Variants in RPTOR observed in about 807,000 individuals in gnomAD.
RPTOR encodes the protein regulatory associated protein of MTOR complex 1, also known as regulatory-associated protein of mTOR.
Under a neutral mutation model 169.9 loss-of-function variants are expected in RPTOR, and 21 were observed. The ratio of observed to expected loss-of-function variants is 0.12; its 90% confidence interval spans 0.09 to 0.18. The LOEUF is 0.18. Ranked by LOEUF, RPTOR falls within the 10% of genes least tolerant of loss-of-function variation. The probability of loss-of-function intolerance (pLI) is 1.00; values close to 1 mark genes in which losing one functional copy is unlikely to be tolerated. For missense variants in RPTOR, 1,133 were observed against 1,855.9 expected, an observed-to-expected ratio of 0.61 and a Z score of 7.16; for synonymous variants, 732 against 753.2, an observed-to-expected ratio of 0.97 and a Z score of 0.46.
chr17:80,561,613 T>TG lies in RPTOR; in HGVS notation c.162+15823dup, dbSNP rs989238085. On this transcript the variant is annotated intron_variant, in intron 1 of 33. Coordinates refer to ENST00000306801, the MANE Select transcript of RPTOR (RefSeq NM_020761.3). ...TGCCTGGCTGATTTTTGTATTTTTT[T>TG]GTAGAAACAGGGTTTTACCATGTTG... Among the ~76,000 whole-genome samples the TG allele has an allele frequency of 3.3e-5, 5 of 151,648 alleles. 1 individual carries two copies. Among genetic ancestry groups the TG allele is most frequent in the Admixed American group, 3.3e-4 (5 of 15,208 alleles).
intron 1 of RPTOR, among the ~76,000 whole-genome samples, chr17:80,560,430 G>A (rs2084466554): frequency 6.6e-6 from 1 of 152,206 alleles, no homozygotes; most frequent in South Asian, 2.1e-4. Context: ...AGTAATTCCT[G>A]CGTTGAAGGT....
chr17:80,844,261 C>G lies in RPTOR; in HGVS notation c.1213-2212C>G, dbSNP rs970318178. Among the ~76,000 whole-genome samples, 3 of 152,198 alleles carry G rather than the reference C, an allele frequency of 2.0e-5. No individual in the cohort carries two copies. Among genetic ancestry groups the G allele is most frequent in the African/African-American group, 7.2e-5 (3 of 41,446 alleles). On this transcript the variant is annotated intron_variant, in intron 10 of 33. Coordinates refer to ENST00000306801, the MANE Select transcript of RPTOR (RefSeq NM_020761.3). The surrounding 1 kb of genome is among the most constrained non-coding windows in gnomAD (Gnocchi z 4.7). ...GGAGCTTCACGGGCTTCACCGCGCA[C>G]CTGCCAGGCAAAGGTGTGCTTTTCC...
intron 3 of RPTOR, among the ~76,000 whole-genome samples, chr17:80,672,792 AAAAC>A (rs950259114): frequency 4.0e-5 from 6 of 151,872 alleles, no homozygotes; most frequent in East Asian, 1.9e-4. Context: ...TCTGTCTCAA[AAAAC>A]AAACAAACAG....
Position 80,820,218 on chromosome 17 carries a change from G to A in RPTOR, c.891-1983G>A, listed in dbSNP as rs181639304. On this transcript the variant is annotated intron_variant, in intron 7 of 33. Transcript: ENST00000306801. This position sits in a 1 kb window ranked among gnomAD's most constrained non-coding sequence, Gnocchi z 4.1. ...GGCTTTGGTAAGGAGGGCAGGCAGC[G>A]CTCGGTGACAGTCCTGCAGCTTGAA... Among the ~76,000 whole-genome samples, 29 of 151,316 alleles carry A rather than the reference G, an allele frequency of 1.9e-4. No homozygotes were observed. The East Asian group carries it at 4.2e-3, about 22-fold the overall frequency.
intron 17 of RPTOR, 78 bp downstream of exon 17, chr17:80,885,226 C>A: frequency 6.7e-7 from 1 of 1,483,584 alleles, no homozygotes; most frequent in Non-Finnish European, 9.0e-7. Context: ...CCCGCATGGC[C>A]CTGACCACAG....
chr17:80,821,963 G>A (rs1276310675), intron 7 of RPTOR, among the ~76,000 whole-genome samples: 4 of 152,210 alleles, frequency 2.6e-5, no homozygotes, highest in African/African-American at 4.8e-5. Flanking sequence ...GGACACCAGA[G>A]GAAGAAGCTG....
rs1360073835 is a variant in RPTOR, at chr17:80,753,246, G to C, written c.655-764G>C. Among the ~76,000 whole-genome samples, 6 of 152,302 alleles carry C rather than the reference G, an allele frequency of 3.9e-5. No homozygotes were observed. In the East Asian group the frequency reaches 1.2e-3, roughly 29 times the overall value. ...AGCCCACTCAAACTCACATTTTGTG[G>C]TTTGCCTTTGTGTTGGTGATGGAGT... On this transcript the variant is annotated intron_variant, in intron 5 of 33. Transcript: ENST00000306801.
rs151265255 is a variant in RPTOR, at chr17:80,883,428, C to A, written c.1594C>A (p.Arg532=). 2,206 of 1,614,142 alleles carry A rather than the reference C, an allele frequency of 1.4e-3. 17 individuals are homozygous for A. The highest frequency in any genetic ancestry group is 7.6e-4 in the Non-Finnish European group (902 of 1,180,024). The change falls in exon 15 of 34, where the codon CGG becomes AGG. Residue 532 remains arginine (R), a synonymous_variant. Transcript: ENST00000306801. ...GGTTTTTGTTTTCCAGGCTGAACAC[C>A]GGACCATGACGGCTTTCATTCTCGC... ...LADPYMPAEH[R]TMTAFILAVI... is the part of the protein sequence containing the mutation.
intron 3 of RPTOR, among the ~76,000 whole-genome samples, chr17:80,654,020 C>T (rs1386832964): frequency 6.2e-5 from 5 of 80,378 alleles, no homozygotes; most frequent in Non-Finnish European, 9.6e-5. Flanking sequence ...AAAAGACAGA[C>T]AAGTGCCACC....
intron 6 of RPTOR, among the ~76,000 whole-genome samples, chr17:80,777,025 G>GGTC (rs1457982962): frequency 6.6e-6 from 1 of 152,152 alleles, no homozygotes; most frequent in Non-Finnish European, 1.5e-5. Flanking sequence ...GATTACCTGA[G>GGTC]GTCGGGAGTT....
At chr17:80,600,723 G>GT (rs1364690676) in intron 1 of RPTOR, among the ~76,000 whole-genome samples, 1 of 152,200 alleles carries the variant, frequency 6.6e-6, no homozygotes, top group Non-Finnish European at 1.5e-5. Context: ...GCTGATAGCA[G>GT]TAATCGGACA....
chr17:80,784,675 G>C (rs941501934), intron 6 of RPTOR, among the ~76,000 whole-genome samples: 1 of 149,316 alleles, frequency 6.7e-6, no homozygotes, highest in Non-Finnish European at 1.5e-5. Context: ...TTACAGGCAT[G>C]AGCCACTGTG....
intron 3 of RPTOR, among the ~76,000 whole-genome samples, chr17:80,682,783 A>G (rs1456649793): frequency 6.7e-6 from 1 of 148,596 alleles, no homozygotes. Context: ...CTGTGTTCTA[A>G]TTTGTTTCCT....
In RPTOR at chr17:80,788,271, G is replaced by A. The variant is rs567700934; in HGVS notation, c.831-3179G>A. 3.3e-4 allele frequency among the ~76,000 whole-genome samples: 50 copies of A among 152,204 alleles called. No homozygotes were observed. The East Asian group carries it at 8.1e-3, about 25-fold the overall frequency. ...GTGGATCACCTGAGTTCAGGAGTTC[G>A]AGACCAGCCTGACCAACATGGCAAA... On this transcript the variant is annotated intron_variant, in intron 6 of 33. Coordinates refer to ENST00000306801, the MANE Select transcript of RPTOR (RefSeq NM_020761.3).
Position 80,686,639 on chromosome 17 carries a change from T to G in RPTOR, c.349-21202T>G, listed in dbSNP as rs558199078. Among the ~76,000 whole-genome samples, 119 of 152,218 alleles carry G rather than the reference T, an allele frequency of 7.8e-4. 1 individual carries two copies. Among genetic ancestry groups the G allele is most frequent in the Admixed American group, 2.3e-3 (35 of 15,290 alleles). On this transcript the variant is annotated intron_variant, in intron 3 of 33. Transcript: ENST00000306801. ...AGTTCTCGGCAGCGTATCCATCTCT[T>G]AGAAAGGGCTCTTCCTGGGAAGGCT... is the stretch of plus-strand genomic sequence containing the variant.
rs2069010873 is a variant in RPTOR, at chr17:80,940,477, G to T, written c.2920-19G>T. On this transcript the variant is annotated intron_variant, in intron 24 of 33. Transcript: ENST00000306801. ...CTGTTTCATCGCTGGGCTTAACTGGGTGTTTTCTGTTGTTGAAGATCCCAG... is the reference window on the plus strand; with the variant it reads ...CTGTTTCATCGCTGGGCTTAACTGGTTGTTTTCTGTTGTTGAAGATCCCAG... 1.2e-6 allele frequency: 2 copies of T among 1,605,964 alleles called. No individual in the cohort carries two copies. Among genetic ancestry groups the T allele is most frequent in the Non-Finnish European group, 1.7e-6 (2 of 1,174,172 alleles).
At chr17:80,790,274 T>C (rs1035004882) in intron 6 of RPTOR, among the ~76,000 whole-genome samples, 1 of 152,228 alleles carries the variant, frequency 6.6e-6, no homozygotes, top group African/African-American at 2.4e-5. Context: ...CTTTGAACGA[T>C]AAAACACTGA....
chr17:80,868,432 T>C (rs921020746), intron 13 of RPTOR, among the ~76,000 whole-genome samples: 1 of 152,166 alleles, frequency 6.6e-6, no homozygotes, highest in Admixed American at 6.5e-5. Flanking sequence ...CCCACAGTCA[T>C]ATACCACTGC....
intron 13 of RPTOR, among the ~76,000 whole-genome samples, chr17:80,866,463 A>G (rs1184608434): frequency 6.6e-6 from 1 of 152,198 alleles, no homozygotes; most frequent in Non-Finnish European, 1.5e-5. Flanking sequence ...GGAGACTAAT[A>G]CGAAAGAAGA....
Sources: allele counts gnomAD v4.1 joint callset (sites outside exome capture counted in the v4.1 genomes callset), GRCh38; gene constraint gnomAD v4.1.1; non-coding constraint Gnocchi (gnomAD v3.1); transcripts MANE v1.5; gene names NCBI Gene and HGNC (gene_info 2026-07-23, HGNC 2026-07-21).